STRN3: variants seen among roughly 807,000 people sequenced by gnomAD.
The protein encoded by STRN3 is striatin-3.
A neutral mutation model predicts 95.6 loss-of-function variants in STRN3; 29 were observed. That is an observed-to-expected ratio of 0.30 (90% CI 0.23 to 0.41). The LOEUF is 0.41. STRN3 is among the 10% of genes least tolerant of loss of function. STRN3 has a pLI of 1.00. For synonymous variants in STRN3, 331 were observed against 357.6 expected, an observed-to-expected ratio of 0.93 and a Z score of 0.84; for missense variants, 890 against 972.1, an observed-to-expected ratio of 0.92 and a Z score of 1.12.
chr14:30,919,919 T>C (rs1228634519), intron 8 of STRN3, among the ~76,000 whole-genome samples: 1 of 152,098 alleles, frequency 6.6e-6, no homozygotes, highest in Non-Finnish European at 1.5e-5. Flanking sequence ...GAACCATATA[T>C]TTTGAAAGAA....
intron 1 of STRN3, among the ~76,000 whole-genome samples, chr14:31,002,195 C>T (rs1271598396): frequency 1.6e-5 from 2 of 127,322 alleles, no homozygotes; most frequent in Non-Finnish European, 3.4e-5. Flanking sequence ...AAAACAAGGC[C>T]AGGCGTGGTG....
chr14:30,922,627 G>C (rs138407733), intron 8 of STRN3, among the ~76,000 whole-genome samples: 1 of 152,132 alleles, frequency 6.6e-6, no homozygotes, highest in East Asian at 1.9e-4. Flanking sequence ...TTTATATTCT[G>C]AAGCTTAACT....
intron 1 of STRN3, among the ~76,000 whole-genome samples, chr14:30,973,559 A>G (rs1375031823): frequency 6.6e-6 from 1 of 152,150 alleles, no homozygotes; most frequent in African/African-American, 2.4e-5. Context: ...AATAACTAAC[A>G]CCAATCTTTC....
At chr14:30,996,142 G>A (rs1242691119) in intron 1 of STRN3, among the ~76,000 whole-genome samples, 1 of 152,162 alleles carries the variant, frequency 6.6e-6, no homozygotes, top group African/African-American at 2.4e-5. Flanking sequence ...CTTCACGCAT[G>A]CTAACTGCTG....
intron 8 of STRN3, among the ~76,000 whole-genome samples, 185 bp from the exon 9 acceptor site, chr14:30,919,291 A>G (rs1244148817): frequency 6.6e-6 from 1 of 151,932 alleles, no homozygotes; most frequent in Non-Finnish European, 1.5e-5. Flanking sequence ...TTAAATATTT[A>G]CTATTTCTGT....
rs541976596 is a variant in STRN3 at position 30,969,837 on chromosome 14, A to G, written c.283-13595T>C. Among the ~76,000 whole-genome samples the G allele has an allele frequency of 5.9e-5, 9 of 152,304 alleles. No homozygotes were observed. The South Asian group carries it at 1.0e-3, about 18-fold the overall frequency. Reference sequence around the variant, plus strand: ...CAACCCCTAGAATTTCCAGTAAACCAGCACCAGCCTGAAGATCACCTTCTC... The same window carrying G: ...CAACCCCTAGAATTTCCAGTAAACCGGCACCAGCCTGAAGATCACCTTCTC... On this transcript the variant is annotated intron_variant, in intron 1 of 17. Transcript: ENST00000357479.
At chr14:30,906,813 G>A (rs1939582466) in intron 14 of STRN3, 64 bp downstream of exon 14, 1 of 1,459,684 alleles carries the variant, frequency 6.9e-7, no homozygotes, top group Admixed American at 2.0e-5. Context: ...CAATTACTTT[G>A]TCCTTTATAT....
intron 6 of STRN3, 129 bp downstream of exon 6, chr14:30,936,366 A>G: frequency 9.3e-7 from 1 of 1,079,266 alleles, no homozygotes; most frequent in Non-Finnish European, 1.3e-6. Context: ...AGCTGACCAC[A>G]TAAAACTTTT....
chr14:31,002,883 G>C (rs1286714208), intron 1 of STRN3, among the ~76,000 whole-genome samples: 3 of 152,112 alleles, frequency 2.0e-5, no homozygotes, highest in Non-Finnish European at 1.5e-5. Flanking sequence ...CTTCAGTTTT[G>C]CAAGAAGAAA....
intron 1 of STRN3, among the ~76,000 whole-genome samples, chr14:30,974,092 T>C (rs1450742523): frequency 1.3e-5 from 2 of 152,194 alleles, no homozygotes; most frequent in Non-Finnish European, 2.9e-5. Context: ...AATATAGTAC[T>C]AGAATTCCTA....
At position 30,955,678 on chromosome 14, in the gene STRN3, T is replaced by C; in HGVS notation, c.402A>G (p.Lys134=). ...ALKQERAKYH[K]LKYGTELNQG... ...GGTTCAGTTCCGTGCCATATTTTAATTTGTGATATTTTGCCCTGAAAATTT... is the reference window on the plus strand; with the variant it reads ...GGTTCAGTTCCGTGCCATATTTTAACTTGTGATATTTTGCCCTGAAAATTT... The change falls in exon 3 of 18, where the codon AAA becomes AAG. Residue 134 remains lysine (K), a synonymous_variant. Transcript: ENST00000357479. 6.3e-7 allele frequency: 1 copy of C among 1,582,710 alleles called. No homozygotes were observed. The highest frequency in any genetic ancestry group is 1.4e-5 in the African/African-American group (1 of 72,790).
At chr14:30,926,252 G>A (rs1169349686) in intron 8 of STRN3, among the ~76,000 whole-genome samples, 1 of 151,912 alleles carries the variant, frequency 6.6e-6, no homozygotes, top group Non-Finnish European at 1.5e-5. Flanking sequence ...TAGCCTCAAA[G>A]ACAGTAATAT....
At chr14:30,947,803 A>T (rs1444177169) in intron 4 of STRN3, among the ~76,000 whole-genome samples, 1 of 152,194 alleles carries the variant, frequency 6.6e-6, no homozygotes, top group African/African-American at 2.4e-5. Context: ...TCAATCTTTC[A>T]CCATATCTAA....
rs377743039 is a variant in STRN3 at position 30,895,552 on chromosome 14, A to G, written c.2253T>C (p.Asn751=). The G allele has an allele frequency of 1.2e-6, 2 of 1,613,878 alleles. No individual in the cohort carries two copies. The highest frequency in any genetic ancestry group is 2.7e-5 in the African/African-American group (2 of 74,938). ...GSHDCSIRLW[N]LDSKTCVQEI... ...CTTGCACACATGTCTTGCTGTCTAA[A>G]TTCCATAATCTGATGGAACAGTCAT... The change falls in exon 18 of 18, where the codon AAT becomes AAC. Residue 751 remains asparagine (N), a synonymous_variant. Coordinates refer to ENST00000357479, the MANE Select transcript of STRN3 (RefSeq NM_001083893.2).
chr14:31,011,923 T>TA (rs1882987926), intron 1 of STRN3, among the ~76,000 whole-genome samples: 1 of 151,656 alleles, frequency 6.6e-6, no homozygotes, highest in African/African-American at 2.4e-5. Context: ...CTACCAAAAA[T>TA]AAAAAAAAAT....
chr14:30,957,881 A>T (rs1283666325), intron 1 of STRN3, among the ~76,000 whole-genome samples: 1 of 152,236 alleles, frequency 6.6e-6, no homozygotes, highest in East Asian at 1.9e-4. Flanking sequence ...AGTATGAGAA[A>T]GAAAGCTATT....
At chr14:30,977,794 GAAAAAAAA>G (rs869303485) in intron 1 of STRN3, among the ~76,000 whole-genome samples, 2 of 109,918 alleles carry the variant, frequency 1.8e-5, no homozygotes, top group South Asian at 8.0e-4. Flanking sequence ...ACTCTATCTC[GAAAAAAAA>G]AAAAAAAAAA....
chr14:31,010,501 C>A (rs935604298), intron 1 of STRN3, among the ~76,000 whole-genome samples: 4 of 151,142 alleles, frequency 2.6e-5, no homozygotes, highest in African/African-American at 9.7e-5. Flanking sequence ...TTTGGTGGGT[C>A]ATTTTTTTAA....
rs1254082024 is a variant in STRN3 at position 30,894,316 on chromosome 14, T to A, written c.*1095A>T. On this transcript the variant is annotated 3_prime_UTR_variant, in exon 18 of 18. Transcript: ENST00000357479. ...TATCTTAGGGGGAACCACCTTGGTTTGTAATTTAAACTATAAAATACTCCA... is the reference window on the plus strand; with the variant it reads ...TATCTTAGGGGGAACCACCTTGGTTAGTAATTTAAACTATAAAATACTCCA... 4 of 152,508 alleles carry A rather than the reference T, an allele frequency of 2.6e-5. No homozygotes were observed. The highest frequency in any genetic ancestry group is 9.6e-5 in the African/African-American group (4 of 41,470). The allele number at this position is 152,508 out of a possible 1,614,324, so 9.4% of individuals were successfully genotyped here.
Sources: allele counts gnomAD v4.1 joint callset (sites outside exome capture counted in the v4.1 genomes callset), GRCh38; gene constraint gnomAD v4.1.1; transcripts MANE v1.5; gene names NCBI Gene and HGNC (gene_info 2026-07-23, HGNC 2026-07-21).